HTT: variants seen among roughly 807,000 people sequenced by gnomAD.
The protein encoded by HTT is huntingtin.
In HTT, 104 loss-of-function variants were observed where a neutral mutation model predicts 362.3. The ratio of observed to expected loss-of-function variants is 0.29; its 90% CI spans 0.24 to 0.34. HTT has a LOEUF of 0.34. HTT is among the 10% of genes least tolerant of loss of function. The pLI is 1.00. For synonymous variants in HTT, 1,577 were observed against 1,548.7 expected (o/e 1.02, Z -0.43); for missense variants, 3,301 against 3,928.6 (o/e 0.84, Z 4.27).
intron 1 of HTT, among the ~76,000 whole-genome samples, chr4:3,084,701 A>C (rs1233843138): frequency 6.7e-6 from 1 of 149,474 alleles, no homozygotes; most frequent in Non-Finnish European, 1.5e-5. Context: ...AAAAAAAAAA[A>C]ACCAAGATCA....
At position 3,132,800 on chromosome 4, in the gene HTT, GTTC is replaced by G. The variant is rs763564636; in HGVS notation, c.2396-9_2396-7del. 1.9e-6 allele frequency: 3 copies of G among 1,613,534 alleles called. No homozygotes were observed. Among genetic ancestry groups the G allele is most frequent in the Admixed American group, 3.3e-5 (2 of 60,024 alleles). ...GTTTAGATGATGATGTTTGTTGCTT[GTTC>G]TTCTGGTTAGGAAATACATTTTCTT... On this transcript the variant is annotated splice_polypyrimidine_tract_variant and intron_variant, in intron 17 of 66. Coordinates refer to ENST00000355072, the MANE Select transcript of HTT (RefSeq NM_001388492.1).
At position 3,228,692 on chromosome 4, in the gene HTT, G is replaced by C; in HGVS notation, c.7926G>C (p.Glu2642Asp). ...REEEWDEEEE[E>D]EADAPAPSSP... Reference sequence around the variant, plus strand: ...AGGAATGGGACGAGGAAGAGGAGGAGGAGGCCGACGCCCCTGCACCTTCGT... The same window carrying C: ...AGGAATGGGACGAGGAAGAGGAGGACGAGGCCGACGCCCCTGCACCTTCGT... The change falls in exon 58 of 67, where the codon GAG becomes GAC. Residue 2642 changes from glutamate to aspartate, a missense_variant. Coordinates refer to ENST00000355072, the MANE Select transcript of HTT (RefSeq NM_001388492.1). The surrounding 1 kb of genome is among the most constrained non-coding windows in gnomAD (Gnocchi z 4.3). The C allele has an allele frequency of 6.2e-7, 1 of 1,610,750 alleles. No individual in the cohort carries two copies.
At chr4:3,180,686 C>T in intron 36 of HTT, 35 bp downstream of exon 36, 1 of 1,585,076 alleles carries the variant, frequency 6.3e-7, no homozygotes, top group Non-Finnish European at 8.6e-7. Flanking sequence ...GTCGTGGATA[C>T]TTTATTGACC....
At chr4:3,171,677 A>G (rs551085491) in intron 29 of HTT, among the ~76,000 whole-genome samples, 10 of 152,062 alleles carry the variant, frequency 6.6e-5, no homozygotes, top group African/African-American at 1.4e-4. Flanking sequence ...GGGTTTCACT[A>G]TATTGGTCAG....
At chr4:3,230,087 G>A in intron 60 of HTT, 45 bp downstream of exon 60, 1 of 1,559,182 alleles carries the variant, frequency 6.4e-7, no homozygotes, top group East Asian at 2.2e-5. Flanking sequence ...AAGCCACGGG[G>A]GCCCATCTGC....
chr4:3,187,508 G>A (rs1718822881), intron 38 of HTT, 143 bp from the exon 39 acceptor site: 1 of 646,572 alleles, frequency 1.5e-6, no homozygotes, highest in South Asian at 1.9e-5. Flanking sequence ...TTTTCTGGGA[G>A]CACACTTTGG....
chr4:3,214,155 C>CG lies in HTT; in HGVS notation c.6952+22dup. The CG allele has an allele frequency of 2.8e-6, 4 of 1,448,864 alleles. No individual in the cohort carries two copies. The highest frequency in any genetic ancestry group is 3.7e-6 in the Non-Finnish European group (4 of 1,085,042). The allele number at this position is 1,448,864 out of a possible 1,614,324, so 89.8% of individuals were successfully genotyped here. ...AGGCCGGTGAGTCCCCGTCCATGAA[C>CG]GGTGGGTTCCTATCATAGTTCCTGT... On this transcript the variant is annotated intron_variant, in intron 50 of 66. Coordinates refer to ENST00000355072, the MANE Select transcript of HTT (RefSeq NM_001388492.1).
chr4:3,148,248 G>T, intron 26 of HTT, 41 bp downstream of exon 26: 1 of 1,408,834 alleles, frequency 7.1e-7, no homozygotes, highest in South Asian at 1.4e-5. Context: ...CAGCCTTAAT[G>T]ACTATGGGTT....
In HTT at chr4:3,206,427, T is replaced by G; in HGVS notation, c.5719-69T>G. 1.6e-6 allele frequency: 2 copies of G among 1,253,356 alleles called. No homozygotes were observed. The highest frequency in any genetic ancestry group is 1.2e-5 in the South Asian group (1 of 80,478). 77.6% of individuals were successfully genotyped at this position (1,253,356 alleles called of 1,614,324 possible). ...TCTCCTTCTTACCCTTTCTGGCCTT[T>G]CTATGGCATTAATACCTGGTCTCTT... On this transcript the variant is annotated intron_variant, in intron 42 of 66. Transcript: ENST00000355072. This position sits in a 1 kb window ranked among gnomAD's most constrained non-coding sequence, Gnocchi z 4.6.
intron 3 of HTT, among the ~76,000 whole-genome samples, chr4:3,100,963 A>G (rs893141485): frequency 6.6e-6 from 1 of 152,302 alleles, no homozygotes; most frequent in East Asian, 1.9e-4. Context: ...GCCTGGGCTC[A>G]AGTGATCCTC....
chr4:3,166,453 C>T lies in HTT; in HGVS notation c.3865-5867C>T, dbSNP rs1228825353. On this transcript the variant is annotated intron_variant, in intron 29 of 66. Coordinates refer to ENST00000355072, the MANE Select transcript of HTT (RefSeq NM_001388492.1). Reference sequence around the variant, plus strand: ...GGGAGAACCACTGCTCTCTTCAGAGCTGTCAGGCACGTATGTTTAAATCTG... The same window carrying T: ...GGGAGAACCACTGCTCTCTTCAGAGTTGTCAGGCACGTATGTTTAAATCTG... Among the ~76,000 whole-genome samples, 18 of 152,234 alleles carry T rather than the reference C, an allele frequency of 1.2e-4. No individual in the cohort carries two copies. In the East Asian group the frequency reaches 3.5e-3, roughly 29 times the overall value.
chr4:3,172,443 G>C (rs755697810), intron 30 of HTT, 46 bp downstream of exon 30: 24 of 1,268,268 alleles, frequency 1.9e-5, no homozygotes, highest in Non-Finnish European at 2.8e-5. Flanking sequence ...GTTCGGGTAT[G>C]ACAGCAAAAC....
At chr4:3,116,018 A>G in intron 7 of HTT, 67 bp from the exon 8 acceptor site, 2 of 1,418,614 alleles carry the variant, frequency 1.4e-6, no homozygotes, top group Admixed American at 1.7e-5. Flanking sequence ...TTCTTTTTTA[A>G]CAGATTAAGC....
Position 3,183,240 on chromosome 4 carries a change from T to C in HTT, c.4866+770T>C, listed in dbSNP as rs147857809. On this transcript the variant is annotated intron_variant, in intron 37 of 66. Transcript: ENST00000355072. ...TGACATGAATCATTGTTTCCACAACTGCAGTGGAAGGAAATGGCCTGGCAG... is the reference window on the plus strand; with the variant it reads ...TGACATGAATCATTGTTTCCACAACCGCAGTGGAAGGAAATGGCCTGGCAG... Among the ~76,000 whole-genome samples the C allele has an allele frequency of 1.5e-3, 223 of 152,338 alleles. 1 individual carries two copies. The highest frequency in any genetic ancestry group is 5.2e-3 in the African/African-American group (215 of 41,574).
intron 35 of HTT, among the ~76,000 whole-genome samples, chr4:3,179,450 C>G (rs573133014): frequency 1.8e-4 from 28 of 152,200 alleles, no homozygotes; most frequent in Admixed American, 4.6e-4. Context: ...TGCATGCCAC[C>G]GAAGGGTCAG....
At chr4:3,232,048 G>A (rs117525279) in intron 60 of HTT, among the ~76,000 whole-genome samples, 8 of 152,260 alleles carry the variant, frequency 5.3e-5, no homozygotes, top group South Asian at 2.1e-4. Flanking sequence ...TTTGCCCACC[G>A]TTGTGAAATC....
At chr4:3,230,547 C>A (rs930028999) in intron 60 of HTT, among the ~76,000 whole-genome samples, 3 of 152,144 alleles carry the variant, frequency 2.0e-5, no homozygotes, top group Admixed American at 2.0e-4. Flanking sequence ...CTCTTTTTAG[C>A]GTGGTGGTTG....
chr4:3,090,701 T>A (rs527750258), intron 2 of HTT, among the ~76,000 whole-genome samples: 2 of 152,258 alleles, frequency 1.3e-5, no homozygotes, highest in Non-Finnish European at 2.9e-5. Flanking sequence ...TATTACTAAG[T>A]TGAATTTTCT....
At chr4:3,186,846 T>TA in intron 38 of HTT, 127 bp downstream of exon 38, 1 of 845,614 alleles carries the variant, frequency 1.2e-6, no homozygotes, top group African/African-American at 1.8e-5. Context: ...TGCTTTTTTT[T>TA]TTTTTTTTTT....
Sources: allele counts gnomAD v4.1 joint callset (sites outside exome capture counted in the v4.1 genomes callset), GRCh38; gene constraint gnomAD v4.1.1; non-coding constraint Gnocchi (gnomAD v3.1); transcripts MANE v1.5; gene names NCBI Gene and HGNC (gene_info 2026-07-23, HGNC 2026-07-21).